NOTCH3: variants seen among roughly 807,000 people sequenced by gnomAD.
The protein encoded by NOTCH3 is notch receptor 3, also known as neurogenic locus notch homolog protein 3.
NOTCH3 carries 86 observed loss-of-function variants against 213.3 expected under a neutral mutation model. That is an observed-to-expected ratio of 0.40 (90% CI 0.34 to 0.48). The LOEUF (loss-of-function observed/expected upper bound fraction) is 0.48, where lower values mean the gene tolerates loss of function less well. NOTCH3 is among the 20% of genes least tolerant of loss of function. The pLI is 0.57. For synonymous variants in NOTCH3, 1,354 were observed against 1,355.9 expected, an observed-to-expected ratio of 1.00 and a Z score of 0.03; for missense variants, 2,783 against 3,272.6, an observed-to-expected ratio of 0.85 and a Z score of 3.65.
rs753418208 is a variant in NOTCH3, at chr19:15,185,528, A to G, written c.2103T>C (p.His701=). 1.2e-6 allele frequency: 2 copies of G among 1,612,106 alleles called. No homozygotes were observed. The highest frequency in any genetic ancestry group is 2.2e-5 in the South Asian group (2 of 90,994). The part of the protein sequence containing the change: ...LCLPPSHPCA[H]EPCSHGICYD... ...AGCAGATGCCGTGACTGCAGGGCTC[A>G]TGGGCACAGGGATGGCTCGGGGGGA... is the stretch of plus-strand genomic sequence containing the variant. Residue 701 remains histidine (H), a synonymous_variant, in exon 13 of 33, where the codon CAT becomes CAC. Transcript: ENST00000263388. This position sits in a 1 kb window ranked among gnomAD's most constrained non-coding sequence, Gnocchi z 4.2.
intron 8 of NOTCH3, 69 bp from the exon 9 acceptor site, chr19:15,188,417 G>A (rs1161930040): frequency 2.3e-5 from 22 of 970,856 alleles, no homozygotes; most frequent in Non-Finnish European, 2.9e-5. Flanking sequence ...CAAGGAAGGA[G>A]GTACTTCCCT....
chr19:15,191,650 G>C lies in NOTCH3; in HGVS notation c.810C>G (p.Phe270Leu). ...CQCPPEWTGQ[F>L]CTEDVDECQL... ...GACACTCATCCACGTCCTCCGTGCAGAACTGGCCTGTGGCACACAGATGCA... is the reference window on the plus strand; with the variant it reads ...GACACTCATCCACGTCCTCCGTGCACAACTGGCCTGTGGCACACAGATGCA... The change falls in exon 6 of 33, where the codon TTC becomes TTG. Residue 270 changes from phenylalanine (F) to leucine (L), a missense_variant. Phe to Leu is a conservative substitution (Grantham distance 22). Coordinates refer to ENST00000263388, the MANE Select transcript of NOTCH3 (RefSeq NM_000435.3). 1 of 1,613,632 alleles carries C rather than the reference G, an allele frequency of 6.2e-7. No homozygotes were observed. The highest frequency in any genetic ancestry group is 1.3e-5 in the African/African-American group (1 of 75,054).
chr19:15,187,547 C>A (rs1736476330), intron 10 of NOTCH3, among the ~76,000 whole-genome samples: 1 of 147,860 alleles, frequency 6.8e-6, no homozygotes, highest in Non-Finnish European at 1.5e-5. Flanking sequence ...CCAAGACTCT[C>A]CCACAGTTAA....
At position 15,181,571 on chromosome 19, in the gene NOTCH3, C is replaced by A. The variant is rs1384184653; in HGVS notation, c.2792+5G>T. ...CCCTGCTCTCCAAGCAGAGGCCCCG[C>A]CCACCTGGGGCTGCAGTCGGGCAGG... On this transcript the variant is annotated splice_donor_5th_base_variant and intron_variant, in intron 17 of 32. Coordinates refer to ENST00000263388, the MANE Select transcript of NOTCH3 (RefSeq NM_000435.3). 6.5e-7 allele frequency: 1 copy of A among 1,549,780 alleles called. No homozygotes were observed. The highest frequency in any genetic ancestry group is 1.4e-5 in the African/African-American group (1 of 73,052).
chr19:15,178,708 C>T, intron 23 of NOTCH3, 115 bp downstream of exon 23: 2 of 794,750 alleles, frequency 2.5e-6, no homozygotes, highest in East Asian at 2.7e-5. Flanking sequence ...TTTCCAGAAA[C>T]TCCCTTCCCT....
Position 15,186,935 on chromosome 19 carries a change from C to T in NOTCH3, c.1894G>A (p.Gly632Arg). ...DDCASNPCTF[G>R]VCRDGINRYD... ...CGGTTGATGCCATCACGGCAGACTCCAAAGGTGCAGGGGTTGCTGGCACAG... is the reference window on the plus strand; with the variant it reads ...CGGTTGATGCCATCACGGCAGACTCTAAAGGTGCAGGGGTTGCTGGCACAG... Residue 632 changes from glycine (G) to arginine (R), a missense_variant, in exon 12 of 33, where the codon GGA becomes AGA. Around this residue, in one of 6 missense-constraint regions of NOTCH3, gnomAD observed 708 missense variants for 906.6 expected, o/e 0.78. Coordinates refer to ENST00000263388, the MANE Select transcript of NOTCH3 (RefSeq NM_000435.3). 6.2e-7 allele frequency: 1 copy of T among 1,614,196 alleles called. No individual in the cohort carries two copies. Among genetic ancestry groups the T allele is most frequent in the South Asian group, 1.1e-5 (1 of 91,084 alleles).
At chr19:15,190,050 G>A (rs959176786) in intron 6 of NOTCH3, among the ~76,000 whole-genome samples, 1 of 151,996 alleles carries the variant, frequency 6.6e-6, no homozygotes, top group Non-Finnish European at 1.5e-5. Flanking sequence ...CAAGGTGAGT[G>A]CATCGCTTGA....
chr19:15,200,689 G>A, intron 1 of NOTCH3, 99 bp downstream of exon 1: 1 of 955,910 alleles, frequency 1.0e-6, no homozygotes, highest in Non-Finnish European at 1.3e-6. Context: ...CCCGACCCTG[G>A]TTCCTGCCTC....
At position 15,185,309 on chromosome 19, in the gene NOTCH3, T is replaced by C. The variant is rs1460013495; in HGVS notation, c.2244A>G (p.Thr748=). The C allele has an allele frequency of 6.2e-7, 1 of 1,612,028 alleles. No homozygotes were observed. The highest frequency in any genetic ancestry group is 8.5e-7 in the Non-Finnish European group (1 of 1,179,696). Residue 748 remains threonine (T), a synonymous_variant, in exon 14 of 33, where the codon ACA becomes ACG. Transcript: ENST00000263388. The surrounding 1 kb of genome is among the most constrained non-coding windows in gnomAD (Gnocchi z 4.2). ...GGAAACCCATTCCATCGCTGCTGCA[T>C]GTCCCACCGGCCCTGCACGGCTGGG... ...CESQPCRAGG[T]CSSDGMGFHC...
chr19:15,173,101 CTTCTTTTTTTTTTTTTT>C lies in NOTCH3; in HGVS notation c.4736+950_4736+966del, dbSNP rs1568351349. On this transcript the variant is annotated intron_variant, in intron 25 of 32. Coordinates refer to ENST00000263388, the MANE Select transcript of NOTCH3 (RefSeq NM_000435.3). Reference sequence around the variant, plus strand: ...TCTTCTTCTTCTTCTTCTTCTTCTTCTTCTTTTTTTTTTTTTTTTTTTTTTTTAAGAGATCGGAGGCC... The same window carrying C: ...TCTTCTTCTTCTTCTTCTTCTTCTTCTTTTTTTTTTAAGAGATCGGAGGCC... 7.5e-4 allele frequency among the ~76,000 whole-genome samples: 37 copies of C among 49,038 alleles called. 4 individuals carry two copies. Among genetic ancestry groups the C allele is most frequent in the African/African-American group, 7.4e-3 (36 of 4,852 alleles). 32.2% of individuals were successfully genotyped at this position (49,038 alleles called of 152,430 possible).
chr19:15,179,772 T>C lies in NOTCH3; in HGVS notation c.3328-276A>G, dbSNP rs899665108. 1.7e-5 allele frequency: 10 copies of C among 586,432 alleles called. No homozygotes were observed. In the East Asian group the frequency reaches 2.0e-4, roughly 12 times the overall value. The allele number at this position is 586,432 out of a possible 1,614,324, so 36.3% of individuals were successfully genotyped here. On this transcript the variant is annotated intron_variant, in intron 20 of 32. Coordinates refer to ENST00000263388, the MANE Select transcript of NOTCH3 (RefSeq NM_000435.3). ...TGGTGGGTGCCTGTACTCCCAGCTA[T>C]AATGAGAGGCTGAAGCAGAAGAATC...
rs1177771934 is a variant in NOTCH3, at chr19:15,192,214, A to G, written c.425T>C (p.Phe142Ser). 1 of 1,610,404 alleles carries G rather than the reference A, an allele frequency of 6.2e-7. No individual in the cohort carries two copies. The highest frequency in any genetic ancestry group is 1.7e-5 in the Admixed American group (1 of 59,520). Residue 142 changes from phenylalanine (F) to serine (S), a missense_variant, in exon 4 of 33, where the codon TTC becomes TCC. Physicochemically the swap from Phe to Ser is radical, Grantham distance 155. Around this residue, in one of 6 missense-constraint regions of NOTCH3, gnomAD observed 708 missense variants for 906.6 expected, o/e 0.78. Coordinates refer to ENST00000263388, the MANE Select transcript of NOTCH3 (RefSeq NM_000435.3). ...GTAGCCAGGTGGGCAGGAGCAGAGG[A>G]AGCGTCCATCGGGCCCCACTGAGCA... is the stretch of plus-strand genomic sequence containing the variant. ...ARCSVGPDGR[F>S]LCSCPPGYQG...
chr19:15,170,834 A>G lies in NOTCH3; in HGVS notation c.4737-9T>C, dbSNP rs754113873. ...CCAGCATTACTACCGAGCTGCAGGG[A>G]CAGCAGGGAGGGACCAGAGGGCTCA... is the stretch of plus-strand genomic sequence containing the variant. On this transcript the variant is annotated splice_polypyrimidine_tract_variant and intron_variant, in intron 25 of 32. Coordinates refer to ENST00000263388, the MANE Select transcript of NOTCH3 (RefSeq NM_000435.3). 3.7e-6 allele frequency: 6 copies of G among 1,612,832 alleles called. No individual in the cohort carries two copies. The highest frequency in any genetic ancestry group is 5.1e-6 in the Non-Finnish European group (6 of 1,179,894).
In NOTCH3 at chr19:15,191,608, G is replaced by C; in HGVS notation, c.852C>G (p.Ala284=). The C allele has an allele frequency of 6.2e-7, 1 of 1,613,488 alleles. No individual in the cohort carries two copies. The highest frequency in any genetic ancestry group is 1.1e-5 in the South Asian group (1 of 91,086). The part of the protein sequence containing the change: ...DVDECQLQPN[A]CHNGGTCFNT... ...TGAAGCAGGTACCCCCATTGTGGCA[G>C]GCGTTGGGCTGCAGCTGACACTCAT... The change falls in exon 6 of 33, where the codon GCC becomes GCG. Residue 284 remains alanine, a synonymous_variant. Coordinates refer to ENST00000263388, the MANE Select transcript of NOTCH3 (RefSeq NM_000435.3).
Position 15,189,322 on chromosome 19 carries a change from G to C in NOTCH3, c.1143C>G (p.Pro381=). ...VNGRAICTCP[P]GFTGGACDQD... ...GGTCACATGCCCCACCCGTGAAGCCGGGAGGACAGGTGCAAATGGCCCGGC... is the reference window on the plus strand; with the variant it reads ...GGTCACATGCCCCACCCGTGAAGCCCGGAGGACAGGTGCAAATGGCCCGGC... Residue 381 remains proline (P), a synonymous_variant, in exon 7 of 33, where the codon CCC becomes CCG. Coordinates refer to ENST00000263388, the MANE Select transcript of NOTCH3 (RefSeq NM_000435.3). 3 of 1,614,078 alleles carry C rather than the reference G, an allele frequency of 1.9e-6. No individual in the cohort carries two copies. The highest frequency in any genetic ancestry group is 2.5e-6 in the Non-Finnish European group (3 of 1,180,028).
chr19:15,171,984 C>G (rs1471878383), intron 25 of NOTCH3, among the ~76,000 whole-genome samples: 1 of 151,552 alleles, frequency 6.6e-6, no homozygotes, highest in African/African-American at 2.4e-5. Context: ...ACAACCTCCA[C>G]GTCCAGGGTT....
intron 25 of NOTCH3, among the ~76,000 whole-genome samples, chr19:15,173,554 T>G (rs529998561): frequency 2.6e-5 from 4 of 151,494 alleles, no homozygotes; most frequent in Non-Finnish European, 4.4e-5. Context: ...CCCGGCTTTA[T>G]CTTCTATGTC....
chr19:15,188,902 A>G, intron 8 of NOTCH3, 87 bp downstream of exon 8: 2 of 1,368,328 alleles, frequency 1.5e-6, no homozygotes, highest in Non-Finnish European at 2.0e-6. Context: ...ACCCACTTAC[A>G]CCCCATTCTG....
chr19:15,191,484 C>T lies in NOTCH3; in HGVS notation c.976G>A (p.Gly326Arg), dbSNP rs1205104375. 5.0e-6 allele frequency: 8 copies of T among 1,613,184 alleles called. No homozygotes were observed. Among genetic ancestry groups the T allele is most frequent in the Non-Finnish European group, 6.8e-6 (8 of 1,180,034 alleles). The change falls in exon 6 of 33, where the codon GGG becomes AGG. Residue 326 changes from glycine (G) to arginine (R), a missense_variant. Gly to Arg is a moderately radical substitution (Grantham distance 125, BLOSUM62 -2). This residue lies in a region of NOTCH3 where 708 missense variants were observed against 906.6 expected (regional missense o/e 0.78). Coordinates refer to ENST00000263388, the MANE Select transcript of NOTCH3 (RefSeq NM_000435.3). ...GCCACGCGGTCATGGCAGGTGGCCC[C>T]ATGGAAGCACACGGCTGTGGCACAG... is the stretch of plus-strand genomic sequence containing the variant. ...DDCATAVCFHGATCHDRVASF... is the reference protein window; with the variant it reads ...DDCATAVCFHRATCHDRVASF...
Sources: allele counts gnomAD v4.1 joint callset (sites outside exome capture counted in the v4.1 genomes callset), GRCh38; gene constraint gnomAD v4.1.1; regional missense constraint gnomAD v4.1.1; non-coding constraint Gnocchi (gnomAD v3.1); transcripts MANE v1.5; gene names NCBI Gene and HGNC (gene_info 2026-07-23, HGNC 2026-07-21).